Variants in WDFY3 observed in about 807,000 individuals in gnomAD.
WDFY3 encodes WD repeat and FYVE domain-containing protein 3.
In WDFY3, 66 loss-of-function variants were observed where a neutral mutation model predicts 409.6. That is an observed-to-expected ratio of 0.16 (90% CI 0.13 to 0.20). WDFY3 has a LOEUF of 0.20. Ranked by LOEUF, WDFY3 falls within the 10% of genes least tolerant of loss-of-function variation. The pLI is 1.00. For missense variants in WDFY3, 3,031 were observed against 4,298.1 expected, an observed-to-expected ratio of 0.71 and a Z score of 8.24; for synonymous variants, 1,521 against 1,537.1, an observed-to-expected ratio of 0.99 and a Z score of 0.25.
At chr4:84,864,323 G>T (rs114715177) in intron 3 of WDFY3, among the ~76,000 whole-genome samples, 3,680 of 134,926 alleles carry the variant, frequency 0.027, 56 homozygotes, top group South Asian at 0.052. Flanking sequence ...CTGAGATGGC[G>T]CCACTGCACT....
In WDFY3 at chr4:84,796,654, C is replaced by G. The variant is rs774714343; in HGVS notation, c.3034G>C (p.Ala1012Pro). 2.5e-6 allele frequency: 4 copies of G among 1,614,162 alleles called. No homozygotes were observed. In the East Asian group the frequency reaches 6.7e-5, roughly 27 times the overall value. ...GTCAGGGGTACAGTACTTCCTTCCG[C>G]AGATTTTACCAGGCTCTTGCTTATC... ...YRISKSLVKS[A>P]EGSTVPLTRV... is the part of the protein sequence containing the mutation. The change falls in exon 19 of 68, where the codon GCG becomes CCG. Residue 1012 changes from alanine (A) to proline (P), a missense_variant. Ala to Pro is a conservative substitution (Grantham distance 27, BLOSUM62 -1). This residue lies in a region of WDFY3 where 1,322 missense variants were observed against 1,697.9 expected (regional missense o/e 0.78). Transcript: ENST00000295888.
chr4:84,821,266 A>T lies in WDFY3; in HGVS notation c.1409T>A (p.Leu470Ter). The T allele has an allele frequency of 6.2e-7, 1 of 1,613,768 alleles. No homozygotes were observed. The highest frequency in any genetic ancestry group is 8.5e-7 in the Non-Finnish European group (1 of 1,179,826). ...CKELISVSIL[L>*]KSSSSYHCSI... ...ACAGTGATAAGAAGAGCTAGATTTT[A>T]AGAGGATACTGACACTAATAAGTTC... Residue 470 changes from leucine (L) to a stop codon, truncating the protein, a stop_gained, in exon 11 of 68, where the codon TTA becomes TAA. Coordinates refer to ENST00000295888, the MANE Select transcript of WDFY3 (RefSeq NM_014991.6). LOFTEE classifies it high-confidence loss of function.
chr4:84,732,245 T>C (rs907632958), intron 44 of WDFY3, among the ~76,000 whole-genome samples: 1 of 152,170 alleles, frequency 6.6e-6, no homozygotes, highest in Non-Finnish European at 1.5e-5. Context: ...CCTACGCATA[T>C]TATTATTTTA....
intron 2 of WDFY3, among the ~76,000 whole-genome samples, chr4:84,916,174 A>G (rs577960960): frequency 1.3e-5 from 2 of 152,350 alleles, no homozygotes; most frequent in South Asian, 2.1e-4. Flanking sequence ...CGACACAAAA[A>G]TAACAGGTCA....
intron 49 of WDFY3, among the ~76,000 whole-genome samples, chr4:84,716,437 TCAA>T (rs1733928887): frequency 1.1e-5 from 1 of 94,624 alleles, no homozygotes; most frequent in Non-Finnish European, 2.1e-5. Flanking sequence ...AGACTCCATC[TCAA>T]AAAAAAAAAA....
intron 5 of WDFY3, among the ~76,000 whole-genome samples, chr4:84,843,989 A>G (rs1757733045): frequency 6.6e-6 from 1 of 152,202 alleles, no homozygotes; most frequent in Non-Finnish European, 1.5e-5. Context: ...TAGAGTTGTC[A>G]ATCATTTGAT....
At chr4:84,729,697 AAT>A (rs1474834537) in intron 44 of WDFY3, among the ~76,000 whole-genome samples, 4 of 152,142 alleles carry the variant, frequency 2.6e-5, no homozygotes, top group East Asian at 3.9e-4. Context: ...AAAAAAAAAA[AAT>A]CACCTGATTT....
intron 56 of WDFY3, among the ~76,000 whole-genome samples, chr4:84,697,721 T>C (rs1730359554): frequency 6.6e-6 from 1 of 152,218 alleles, no homozygotes; most frequent in Non-Finnish European, 1.5e-5. Context: ...ATTGTAAAAA[T>C]GACTCTACAA....
intron 30 of WDFY3, among the ~76,000 whole-genome samples, chr4:84,770,941 C>G (rs1744580086): frequency 6.6e-6 from 1 of 152,138 alleles, no homozygotes; most frequent in African/African-American, 2.4e-5. Context: ...TTGCTTCTGA[C>G]TTTATTATTT....
At chr4:84,930,812 T>TG in intron 2 of WDFY3, among the ~76,000 whole-genome samples, 1 of 151,952 alleles carries the variant, frequency 6.6e-6, no homozygotes, top group Admixed American at 6.6e-5. Context: ...CCTTTTTAAT[T>TG]CTGGGTAACA....
chr4:84,901,466 C>T (rs1422676037), intron 2 of WDFY3, among the ~76,000 whole-genome samples: 1 of 152,134 alleles, frequency 6.6e-6, no homozygotes, highest in Non-Finnish European at 1.5e-5. Flanking sequence ...AGCAAGCAGG[C>T]CCCCACCAGA....
intron 4 of WDFY3, among the ~76,000 whole-genome samples, chr4:84,850,973 A>G (rs1185564983): frequency 6.2e-5 from 1 of 16,044 alleles, no homozygotes; most frequent in Non-Finnish European, 1.1e-4. Flanking sequence ...TTTTTTTGAG[A>G]ACTGGTTCTT....
At position 84,789,923 on chromosome 4, in the gene WDFY3, G is replaced by T. The variant is rs746059454; in HGVS notation, c.3488-16C>A. 11 of 1,612,642 alleles carry T rather than the reference G, an allele frequency of 6.8e-6. No individual in the cohort carries two copies. The highest frequency in any genetic ancestry group is 9.3e-6 in the Non-Finnish European group (11 of 1,179,336). The stretch of plus-strand genomic sequence containing the variant: ...AAATCATCAACTGAAATAAAGGGGG[G>T]AAGACATAAAAACTTTTTCCAACAC... On this transcript the variant is annotated splice_polypyrimidine_tract_variant and intron_variant, in intron 21 of 67. Transcript: ENST00000295888.
intron 3 of WDFY3, among the ~76,000 whole-genome samples, chr4:84,891,294 C>T: frequency 6.6e-6 from 1 of 152,136 alleles, no homozygotes; most frequent in Non-Finnish European, 1.5e-5. Context: ...AACTGCTAGA[C>T]CAAATTTTAT....
chr4:84,784,710 T>C (rs1180629152), intron 24 of WDFY3, among the ~76,000 whole-genome samples: 1 of 151,102 alleles, frequency 6.6e-6, no homozygotes, highest in South Asian at 2.1e-4. Flanking sequence ...TGGTGGTGCA[T>C]GCCTATAATC....
chr4:84,809,761 T>A (rs6531775), intron 14 of WDFY3, 126 bp downstream of exon 14: 1 of 889,732 alleles, frequency 1.1e-6, no homozygotes, highest in Non-Finnish European at 1.7e-6. Context: ...AGTGATACAC[T>A]TCAAACAAAT....
chr4:84,793,816 A>G (rs1293693253), intron 21 of WDFY3, among the ~76,000 whole-genome samples: 1 of 152,200 alleles, frequency 6.6e-6, no homozygotes, highest in Non-Finnish European at 1.5e-5. Context: ...CATTCATATT[A>G]TATTAATATT....
chr4:84,753,944 A>G, intron 34 of WDFY3, 68 bp from the exon 35 acceptor site: 2 of 1,426,710 alleles, frequency 1.4e-6, no homozygotes, highest in Non-Finnish European at 1.8e-6. Context: ...TATTTTAAAA[A>G]TCCATTACTC....
At chr4:84,883,077 G>A (rs1377352809) in intron 3 of WDFY3, among the ~76,000 whole-genome samples, 1 of 152,096 alleles carries the variant, frequency 6.6e-6, no homozygotes, top group African/African-American at 2.4e-5. Context: ...TCATGGCTGG[G>A]GGAATACATT....
Sources: gnomAD v4.1 joint callset for allele counts (sites outside exome capture counted in the v4.1 genomes callset) on GRCh38, gnomAD v4.1.1 for gene constraint, gnomAD v4.1.1 regional missense constraint, MANE v1.5 for transcripts, NCBI Gene and HGNC (gene_info 2026-07-23, HGNC 2026-07-21) for gene names.